Variants in C7 observed in about 807,000 individuals in gnomAD.
C7 encodes complement C7.
C7 carries 83 observed loss-of-function variants against 104.8 expected under a neutral mutation model. That is an observed-to-expected ratio of 0.79 (90% CI 0.66 to 0.95). C7 has a LOEUF of 0.95. C7 is among the 40% of genes least tolerant of loss of function. The pLI is 0.00. For missense variants in C7, 1,070 were observed against 1,011.2 expected (o/e 1.06, Z -0.79); for synonymous variants, 415 against 360.6 (o/e 1.15, Z -1.71).
chr5:40,953,123 T>C (rs552764928), intron 9 of C7, among the ~76,000 whole-genome samples: 48 of 152,264 alleles, frequency 3.2e-4, no homozygotes, highest in African/African-American at 1.1e-3. Flanking sequence ...TTACTGTATA[T>C]ATTGAAAACA....
chr5:40,963,294 T>A (rs564053322), intron 13 of C7, among the ~76,000 whole-genome samples: 2 of 152,274 alleles, frequency 1.3e-5, no homozygotes, highest in East Asian at 1.9e-4. Context: ...AGTTTGGGAG[T>A]ACAGCCTAAG....
rs1451748684 is a variant in C7, at chr5:40,934,358, T to C, written c.172T>C (p.Tyr58His). The C allele has an allele frequency of 6.2e-7, 1 of 1,613,484 alleles. No individual in the cohort carries two copies. The highest frequency in any genetic ancestry group is 8.5e-7 in the Non-Finnish European group (1 of 1,179,612). The change falls in exon 4 of 18, where the codon TAT (tyrosine) becomes CAT (histidine). Residue 58 changes from tyrosine to histidine, a missense_variant. Transcript: ENST00000313164. ...GCGGTCAGTTGCTGTGTATGGGCAG[T>C]ATGGAGGCCAGCCTTGTGTTGGAAA... is the stretch of plus-strand genomic sequence containing the variant. ...RRRSVAVYGQ[Y>H]GGQPCVGNAF...
intron 14 of C7, among the ~76,000 whole-genome samples, chr5:40,971,533 G>T (rs1740697359): frequency 6.6e-6 from 1 of 152,134 alleles, no homozygotes; most frequent in Non-Finnish European, 1.5e-5. Flanking sequence ...CCATTCTGTA[G>T]GTTGCCTGTT....
intron 14 of C7, chr5:40,967,607 A>G (rs139817151): frequency 7.1e-4 from 137 of 191,738 alleles, no homozygotes; most frequent in African/African-American, 3.0e-3. Flanking sequence ...GTTACATAAA[A>G]TATCATCCTG....
At chr5:40,927,327 T>G (rs7724262) in intron 1 of C7, among the ~76,000 whole-genome samples, 34,418 of 151,836 alleles carry the variant, frequency 0.23, 4,069 homozygotes, top group East Asian at 0.31. Flanking sequence ...AAACTGTATT[T>G]TTCTAGGTGG....
intron 9 of C7, chr5:40,954,904 A>AT (rs1193661960): frequency 7.2e-6 from 2 of 276,240 alleles, no homozygotes; most frequent in African/African-American, 4.7e-5. Context: ...AAAAAAAAAA[A>AT]AGAAAACCAC....
intron 17 of C7, 81 bp downstream of exon 17, chr5:40,979,990 A>G: frequency 8.0e-7 from 1 of 1,249,528 alleles, no homozygotes; most frequent in Non-Finnish European, 1.1e-6. Context: ...TTTCTAGTTT[A>G]GCAGTGGGCC....
intron 1 of C7, among the ~76,000 whole-genome samples, chr5:40,912,652 C>A (rs963586141): frequency 6.6e-6 from 1 of 152,178 alleles, no homozygotes; most frequent in Admixed American, 6.5e-5. Context: ...AGCCACCAAA[C>A]CTGGCTGAAA....
chr5:40,964,642 C>T (rs1740504447), intron 13 of C7, 99 bp from the exon 14 acceptor site: 2 of 1,041,396 alleles, frequency 1.9e-6, no homozygotes, highest in East Asian at 2.4e-5. Flanking sequence ...TGTAGCTTGC[C>T]TGATGATTAT....
At chr5:40,935,680 G>C (rs1739797249) in intron 4 of C7, among the ~76,000 whole-genome samples, 2 of 152,166 alleles carry the variant, frequency 1.3e-5, no homozygotes, top group African/African-American at 2.4e-5. Flanking sequence ...TAAGAAGCTA[G>C]TAGGAGAATG....
rs1202191236 is a variant in C7 at position 40,949,903 on chromosome 5, G to T, written c.983-1G>T. The T allele has an allele frequency of 3.9e-6, 6 of 1,557,112 alleles. No individual in the cohort carries two copies. In the South Asian group the frequency reaches 7.0e-5, roughly 18 times the overall value. On this transcript the variant is annotated splice_acceptor_variant, in intron 8 of 17. Coordinates refer to ENST00000313164, the MANE Select transcript of C7 (RefSeq NM_000587.4). LOFTEE classifies it high-confidence loss of function. Reference sequence around the variant, plus strand: ...TGTCTCTTTTACATTTTCTCCCCTAGATTTTAATTCAGTCGAAGAAAAGAA... The same window carrying T: ...TGTCTCTTTTACATTTTCTCCCCTATATTTTAATTCAGTCGAAGAAAAGAA...
intron 9 of C7, among the ~76,000 whole-genome samples, chr5:40,951,191 A>C (rs1025698126): frequency 2.6e-5 from 4 of 152,164 alleles, no homozygotes; most frequent in Non-Finnish European, 5.9e-5. Context: ...GTGTCCGTTC[A>C]TGTCTTTTGT....
intron 1 of C7, among the ~76,000 whole-genome samples, chr5:40,918,274 C>G (rs1321250446): frequency 1.3e-5 from 2 of 151,860 alleles, no homozygotes; most frequent in Non-Finnish European, 2.9e-5. Flanking sequence ...GTGGGAGCAT[C>G]ATTTGAGCCT....
At chr5:40,913,555 T>G (rs1022317471) in intron 1 of C7, among the ~76,000 whole-genome samples, 2 of 152,118 alleles carry the variant, frequency 1.3e-5, no homozygotes, top group African/African-American at 4.8e-5. Flanking sequence ...AGAGTAATGG[T>G]GCAATCATAG....
chr5:40,918,888 C>A (rs1170211350), intron 1 of C7, among the ~76,000 whole-genome samples: 1 of 148,508 alleles, frequency 6.7e-6, no homozygotes, highest in Admixed American at 6.7e-5. Flanking sequence ...GAAAGATAAT[C>A]CAGAAAATTA....
chr5:40,953,639 CAAAA>C (rs397961480), intron 9 of C7, among the ~76,000 whole-genome samples: 1 of 104,134 alleles, frequency 9.6e-6, no homozygotes. Flanking sequence ...GACTCTGTCT[CAAAA>C]AAAAAAAAAA....
intron 3 of C7, 55 bp downstream of exon 3, chr5:40,931,194 TG>T: frequency 1.6e-6 from 2 of 1,252,332 alleles, no homozygotes; most frequent in Non-Finnish European, 2.3e-6. Context: ...TACTTTGGCA[TG>T]GCCAAAATGG....
In C7 at chr5:40,949,912, T is replaced by G; in HGVS notation, c.991T>G (p.Ser331Ala). The G allele has an allele frequency of 6.3e-7, 1 of 1,576,128 alleles. No homozygotes were observed. The highest frequency in any genetic ancestry group is 8.7e-7 in the Non-Finnish European group (1 of 1,155,172). Reference sequence around the variant, plus strand: ...TACATTTTCTCCCCTAGATTTTAATTCAGTCGAAGAAAAGAAATGTAAATC... The same window carrying G: ...TACATTTTCTCCCCTAGATTTTAATGCAGTCGAAGAAAAGAAATGTAAATC... The part of the protein sequence containing the change: ...SEKLKQNDFN[S>A]VEEKKCKSSG... Residue 331 changes from serine (S) to alanine (A), a missense_variant, in exon 9 of 18, where the codon TCA becomes GCA. Transcript: ENST00000313164.
In C7 at chr5:40,978,329, T is replaced by C. The variant is rs994542841; in HGVS notation, c.2166-1396T>C. 9.2e-5 allele frequency among the ~76,000 whole-genome samples: 14 copies of C among 152,278 alleles called. 2 individuals carry two copies. In the South Asian group the frequency reaches 2.7e-3, roughly 29 times the overall value. On this transcript the variant is annotated intron_variant, in intron 16 of 17. Transcript: ENST00000313164. Reference sequence around the variant, plus strand: ...GGAAATGGTGGTCAGCCTAGATACATTCTCATTCTAATATTCTGACTTTGC... The same window carrying C: ...GGAAATGGTGGTCAGCCTAGATACACTCTCATTCTAATATTCTGACTTTGC...
Sources: gnomAD v4.1 joint callset for allele counts (sites outside exome capture counted in the v4.1 genomes callset) on GRCh38, gnomAD v4.1.1 for gene constraint, MANE v1.5 for transcripts, NCBI Gene and HGNC (gene_info 2026-07-23, HGNC 2026-07-21) for gene names.